Variants in NTNG1 observed in about 807,000 individuals in gnomAD.
NTNG1 encodes netrin G1.
A neutral mutation model predicts 54.0 loss-of-function variants in NTNG1; 16 were observed. The ratio of observed to expected loss-of-function variants is 0.30; its 90% CI spans 0.20 to 0.45. The LOEUF is 0.45. NTNG1 is among the 20% of genes least tolerant of loss of function. NTNG1 has a pLI of 1.00. For synonymous variants in NTNG1, 255 were observed against 263.1 expected (o/e 0.97, Z 0.30); for missense variants, 530 against 678.7 (o/e 0.78, Z 2.43).
intron 2 of NTNG1, among the ~76,000 whole-genome samples, chr1:107,310,900 A>G (rs1205804573): frequency 2.0e-5 from 3 of 152,046 alleles, no homozygotes; most frequent in Non-Finnish European, 4.4e-5. Flanking sequence ...TAGCAATACA[A>G]ACCTACATAA....
intron 2 of NTNG1, among the ~76,000 whole-genome samples, chr1:107,164,480 G>A (rs539911077): frequency 5.2e-4 from 79 of 152,322 alleles, no homozygotes; most frequent in African/African-American, 1.9e-3. Context: ...GCAAGGTACT[G>A]AGCTAGAGGT....
intron 7 of NTNG1, among the ~76,000 whole-genome samples, chr1:107,441,235 C>G (rs1022545396): frequency 4.9e-5 from 1 of 20,416 alleles, no homozygotes; most frequent in African/African-American, 8.1e-5. Context: ...AGATTTATGA[C>G]TTTTCAGTTT....
chr1:107,360,982 CTCACT>C (rs771904359), intron 3 of NTNG1, among the ~76,000 whole-genome samples: 1 of 151,582 alleles, frequency 6.6e-6, no homozygotes, highest in Non-Finnish European at 1.5e-5. Flanking sequence ...TAACTGCTAT[CTCACT>C]TCTTTAACTC....
chr1:107,215,584 T>A (rs925833279), intron 2 of NTNG1, among the ~76,000 whole-genome samples: 1 of 152,162 alleles, frequency 6.6e-6, no homozygotes, highest in African/African-American at 2.4e-5. Context: ...CAGATTTGTT[T>A]TTTTTGCTTA....
intron 2 of NTNG1, among the ~76,000 whole-genome samples, chr1:107,302,664 A>T (rs1186183848): frequency 7.0e-6 from 1 of 143,228 alleles, no homozygotes; most frequent in Non-Finnish European, 1.6e-5. Flanking sequence ...GACCCACTTT[A>T]GTATTATGAA....
At chr1:107,183,738 T>A (rs762433183) in intron 2 of NTNG1, among the ~76,000 whole-genome samples, 2 of 152,152 alleles carry the variant, frequency 1.3e-5, no homozygotes, top group Non-Finnish European at 2.9e-5. Flanking sequence ...CTAAGGAGAT[T>A]GCATTTGAAT....
At chr1:107,446,664 C>T (rs1262679212) in intron 7 of NTNG1, among the ~76,000 whole-genome samples, 1 of 151,988 alleles carries the variant, frequency 6.6e-6, no homozygotes, top group Non-Finnish European at 1.5e-5. Context: ...GTGATTGAGC[C>T]CATTGAACCC....
At chr1:107,157,920 G>T (rs1394622052) in intron 2 of NTNG1, among the ~76,000 whole-genome samples, 9 of 152,046 alleles carry the variant, frequency 5.9e-5, no homozygotes, top group African/African-American at 2.2e-4. Context: ...TCATTTCAGA[G>T]ACTTTTCCAC....
chr1:107,285,923 C>T (rs3125665), intron 2 of NTNG1, among the ~76,000 whole-genome samples: 2,347 of 152,072 alleles, frequency 0.015, 55 homozygotes, highest in African/African-American at 0.054. Flanking sequence ...CGCTCCTCAC[C>T]GCTATCTCTT....
chr1:107,383,778 ACT>A (rs1671784347), intron 3 of NTNG1, among the ~76,000 whole-genome samples: 1 of 152,046 alleles, frequency 6.6e-6, no homozygotes, highest in East Asian at 1.9e-4. Context: ...CCTCTTATAG[ACT>A]CTGGTTACTT....
intron 2 of NTNG1, among the ~76,000 whole-genome samples, chr1:107,278,319 G>C (rs1212648563): frequency 1.3e-5 from 2 of 152,108 alleles, no homozygotes; most frequent in Non-Finnish European, 2.9e-5. Flanking sequence ...ACCTATATAA[G>C]TATACTCTAC....
chr1:107,446,815 T>C (rs2101458091), intron 7 of NTNG1, among the ~76,000 whole-genome samples: 1 of 152,242 alleles, frequency 6.6e-6, no homozygotes, highest in Admixed American at 6.5e-5. Context: ...AGAAAAGGCC[T>C]TCATAAATAC....
chr1:107,464,341 G>A (rs899958284), intron 7 of NTNG1, among the ~76,000 whole-genome samples: 1 of 152,174 alleles, frequency 6.6e-6, no homozygotes, highest in Non-Finnish European at 1.5e-5. Flanking sequence ...GCCCGATTAA[G>A]CAGGACAGAG....
intron 2 of NTNG1, among the ~76,000 whole-genome samples, chr1:107,280,034 G>GT (rs145438968): frequency 1.4e-4 from 21 of 146,556 alleles, no homozygotes; most frequent in Non-Finnish European, 2.9e-4. Flanking sequence ...TTCCTTTGTT[G>GT]GTGTGTGTGT....
chr1:107,282,925 T>C (rs1664957097), intron 2 of NTNG1, among the ~76,000 whole-genome samples: 1 of 152,134 alleles, frequency 6.6e-6, no homozygotes. Flanking sequence ...TTCTGGTTCA[T>C]AGATGATACC....
intron 3 of NTNG1, among the ~76,000 whole-genome samples, chr1:107,333,488 A>C (rs1012101740): frequency 2.6e-5 from 4 of 152,010 alleles, no homozygotes; most frequent in Admixed American, 2.6e-4. Flanking sequence ...GTAAAGAAAC[A>C]TTTCTATTTT....
intron 6 of NTNG1, among the ~76,000 whole-genome samples, chr1:107,433,201 C>T (rs528872018): frequency 2.0e-5 from 3 of 152,048 alleles, no homozygotes; most frequent in Non-Finnish European, 4.4e-5. Flanking sequence ...TGAAACCAAG[C>T]GAAGTACTTG....
chr1:107,236,554 C>A (rs1309355616), intron 2 of NTNG1, among the ~76,000 whole-genome samples: 2 of 152,114 alleles, frequency 1.3e-5, no homozygotes, highest in African/African-American at 4.8e-5. Context: ...CCCTGCATGC[C>A]ATCTAGGCTG....
intron 2 of NTNG1, among the ~76,000 whole-genome samples, chr1:107,303,955 G>A (rs1014905042): frequency 6.6e-6 from 1 of 151,714 alleles, no homozygotes; most frequent in Non-Finnish European, 1.5e-5. Flanking sequence ...GAAGTGCTGG[G>A]ATTACAGGCG....
Sources: allele counts gnomAD v4.1 joint callset (sites outside exome capture counted in the v4.1 genomes callset), GRCh38; gene constraint gnomAD v4.1.1; transcripts MANE v1.5; gene names NCBI Gene and HGNC (gene_info 2026-07-23, HGNC 2026-07-21).